CLASP1: variants seen among roughly 807,000 people sequenced by gnomAD.
CLASP1 encodes cytoplasmic linker associated protein 1.
A neutral mutation model predicts 192.3 loss-of-function variants in CLASP1; 38 were observed. That is an observed-to-expected ratio of 0.20 (90% confidence interval 0.15 to 0.26). The LOEUF (loss-of-function observed/expected upper bound fraction) is 0.26, where lower values mean the gene tolerates loss of function less well. CLASP1 is among the 10% of genes least tolerant of loss of function. The probability of loss-of-function intolerance (pLI) is 1.00; values close to 1 mark genes in which losing one functional copy is unlikely to be tolerated. For synonymous variants in CLASP1, 691 were observed against 712.8 expected, an observed-to-expected ratio of 0.97 and a Z score of 0.49; for missense variants, 1,433 against 1,932.5, an observed-to-expected ratio of 0.74 and a Z score of 4.85.
At chr2:121,475,506 G>A (rs1484294992) in intron 8 of CLASP1, among the ~76,000 whole-genome samples, 1 of 152,194 alleles carries the variant, frequency 6.6e-6, no homozygotes, top group African/African-American at 2.4e-5. Flanking sequence ...AGTCCAGGAT[G>A]AAGAGTCTCA....
intron 30 of CLASP1, among the ~76,000 whole-genome samples, chr2:121,390,007 T>C (rs1008676749): frequency 1.3e-5 from 2 of 152,226 alleles, no homozygotes; most frequent in African/African-American, 4.8e-5. Flanking sequence ...CTGGAGTAGC[T>C]GGGATTATAG....
Position 121,382,337 on chromosome 2 carries a change from G to T in CLASP1, c.3375-13C>A. On this transcript the variant is annotated splice_polypyrimidine_tract_variant and intron_variant, in intron 32 of 39. Transcript: ENST00000263710. ...ACCCCATAACCGACTGCAGTGATCA[G>T]AAGAGGAAAATCAGAGAGAGAAATA... The T allele has an allele frequency of 6.7e-7, 1 of 1,497,284 alleles. No individual in the cohort carries two copies. The highest frequency in any genetic ancestry group is 9.0e-7 in the Non-Finnish European group (1 of 1,115,092). The allele number at this position is 1,497,284 out of a possible 1,614,324, so 92.7% of individuals were successfully genotyped here. A position where few individuals can be genotyped will look rare whatever the true frequency, so the allele number is the denominator to read the frequency against.
At chr2:121,384,275 A>G (rs1427386337) in intron 32 of CLASP1, among the ~76,000 whole-genome samples, 1 of 151,844 alleles carries the variant, frequency 6.6e-6, no homozygotes, top group Non-Finnish European at 1.5e-5. Context: ...TGCAGCCTCC[A>G]TGTCCTGCGC....
Position 121,357,794 on chromosome 2 carries a change from C to T in CLASP1, c.4206+5378G>A, listed in dbSNP as rs563273631. On this transcript the variant is annotated intron_variant, in intron 37 of 39. Coordinates refer to ENST00000263710, the Ensembl canonical transcript of CLASP1. ...TGAGGGCTCACAAAATGGTAAGTCT[C>T]CTGCCATCTTGGCTCAGCAGGGTTC... 3.3e-5 allele frequency among the ~76,000 whole-genome samples: 5 copies of T among 152,334 alleles called. No individual in the cohort carries two copies. In the South Asian group the frequency reaches 1.0e-3, roughly 32 times the overall value.
intron 14 of CLASP1, among the ~76,000 whole-genome samples, chr2:121,456,050 T>G (rs1378229484): frequency 6.6e-6 from 1 of 152,142 alleles, no homozygotes; most frequent in Non-Finnish European, 1.5e-5. Context: ...ACTTTAAAAT[T>G]GCTGAGAGTA....
At chr2:121,459,905 T>C (rs1378472962) in intron 12 of CLASP1, 75 bp downstream of exon 12, 2 of 1,391,724 alleles carry the variant, frequency 1.4e-6, no homozygotes, top group Non-Finnish European at 9.6e-7. Flanking sequence ...CCAGCTCACA[T>C]GTTCAAGGAG....
chr2:121,551,805 A>G (rs938018725), intron 2 of CLASP1, among the ~76,000 whole-genome samples: 18 of 152,216 alleles, frequency 1.2e-4, no homozygotes, highest in Admixed American at 6.5e-4. Context: ...TGCTATTCCT[A>G]TCAAAACTAC....
intron 1 of CLASP1, among the ~76,000 whole-genome samples, chr2:121,626,714 C>G (rs531124149): frequency 6.6e-6 from 1 of 152,088 alleles, no homozygotes; most frequent in African/African-American, 2.4e-5. Context: ...TGTGAGCCAC[C>G]GCACCTGGCC....
intron 35 of CLASP1, 43 bp from the exon 37 acceptor site, chr2:121,365,327 C>A: frequency 6.4e-7 from 1 of 1,557,262 alleles, no homozygotes; most frequent in South Asian, 1.2e-5. Context: ...TGAGGAAATG[C>A]CCAGCACAGG....
intron 2 of CLASP1, among the ~76,000 whole-genome samples, chr2:121,552,191 C>A (rs2058104683): frequency 6.6e-6 from 1 of 152,184 alleles, no homozygotes; most frequent in African/African-American, 2.4e-5. Flanking sequence ...AAAATCAAGT[C>A]ATGATGAATT....
At chr2:121,410,505 G>C (rs1370743834) in intron 24 of CLASP1, among the ~76,000 whole-genome samples, 1 of 151,032 alleles carries the variant, frequency 6.6e-6, no homozygotes, top group African/African-American at 2.4e-5. Flanking sequence ...TAAAGCAACA[G>C]AAGCAACAGA....
At chr2:121,385,106 C>A (rs1440460927) in intron 32 of CLASP1, among the ~76,000 whole-genome samples, 1 of 152,176 alleles carries the variant, frequency 6.6e-6, no homozygotes, top group Non-Finnish European at 1.5e-5. Flanking sequence ...CTAGTCAATT[C>A]TATTTAGTGC....
intron 2 of CLASP1, among the ~76,000 whole-genome samples, chr2:121,532,221 T>C (rs1252634591): frequency 2.6e-5 from 4 of 152,220 alleles, no homozygotes; most frequent in Non-Finnish European, 4.4e-5. Flanking sequence ...ACTGGCTACT[T>C]GACAATATTG....
chr2:121,556,703 A>G (rs974896162), intron 2 of CLASP1, among the ~76,000 whole-genome samples: 1 of 152,230 alleles, frequency 6.6e-6, no homozygotes, highest in African/African-American at 2.4e-5. Flanking sequence ...GTCTAGAACC[A>G]TATTTGTTGA....
intron 2 of CLASP1, among the ~76,000 whole-genome samples, chr2:121,582,559 G>A (rs370987340): frequency 1.3e-5 from 2 of 148,852 alleles, no homozygotes; most frequent in African/African-American, 5.0e-5. Flanking sequence ...AAGAGGGAAA[G>A]ACAGAAAGGA....
At position 121,461,084 on chromosome 2, in the gene CLASP1, T is replaced by C; in HGVS notation, c.1032+17A>G. On this transcript the variant is annotated intron_variant, in intron 11 of 39. Transcript: ENST00000263710. ...TACATCTTATGAAAATGTAATCACA[T>C]GAAGTCAACAGCTTACAGCATTTAC... 1 of 1,458,610 alleles carries C rather than the reference T, an allele frequency of 6.9e-7. No homozygotes were observed. Among genetic ancestry groups the C allele is most frequent in the Non-Finnish European group, 9.5e-7 (1 of 1,054,060 alleles). 90.4% of individuals were successfully genotyped at this position (1,458,610 alleles called of 1,614,324 possible).
chr2:121,353,535 C>A (rs961445165), intron 37 of CLASP1, among the ~76,000 whole-genome samples: 6 of 152,230 alleles, frequency 3.9e-5, no homozygotes, highest in African/African-American at 1.2e-4. Flanking sequence ...CATCTCTATG[C>A]CCCTGGCCAA....
At chr2:121,551,727 A>AT (rs1327011878) in intron 2 of CLASP1, among the ~76,000 whole-genome samples, 1 of 152,234 alleles carries the variant, frequency 6.6e-6, no homozygotes, top group Non-Finnish European at 1.5e-5. Context: ...AAAATATCCC[A>AT]TGCCCATGGA....
intron 34 of CLASP1, among the ~76,000 whole-genome samples, chr2:121,373,731 G>A (rs1260331979): frequency 2.6e-5 from 4 of 152,198 alleles, no homozygotes; most frequent in African/African-American, 9.7e-5. Context: ...CAGATCTGTG[G>A]AACTTTGAAG....
Sources: allele counts gnomAD v4.1 joint callset (sites outside exome capture counted in the v4.1 genomes callset), GRCh38; gene constraint gnomAD v4.1.1; transcripts MANE v1.5; gene names NCBI Gene and HGNC (gene_info 2026-07-23, HGNC 2026-07-21).